The following MAGI2 variants were observed in gnomAD, a reference collection of about 807,000 sequenced individuals.
MAGI2 encodes the protein membrane-associated guanylate kinase, WW and PDZ domain-containing protein 2.
A neutral mutation model predicts 133.3 loss-of-function variants in MAGI2; 35 were observed. The ratio of observed to expected loss-of-function variants is 0.26; its 90% CI spans 0.20 to 0.35. The LOEUF (loss-of-function observed/expected upper bound fraction) is 0.35, where lower values mean the gene tolerates loss of function less well. Ranked by LOEUF, MAGI2 falls within the 10% of genes least tolerant of loss-of-function variation. The probability of loss-of-function intolerance (pLI) is 1.00; values close to 1 mark genes in which losing one functional copy is unlikely to be tolerated. For missense variants in MAGI2, 1,636 were observed against 1,863.4 expected (o/e 0.88, Z 2.25); for synonymous variants, 729 against 710.6 (o/e 1.03, Z -0.41).
chr7:79,279,981 C>G (rs980008144), intron 1 of MAGI2, among the ~76,000 whole-genome samples: 1 of 152,080 alleles, frequency 6.6e-6, no homozygotes, highest in Non-Finnish European at 1.5e-5. Flanking sequence ...TATCTGTAGT[C>G]TGGAATATAA....
chr7:79,035,508 A>G (rs1260850501), intron 1 of MAGI2, among the ~76,000 whole-genome samples: 3 of 152,186 alleles, frequency 2.0e-5, no homozygotes, highest in Admixed American at 6.6e-5. Flanking sequence ...AAAAACCCTC[A>G]TAAGTCACCT....
At chr7:78,859,323 T>A (rs776114596) in intron 2 of MAGI2, among the ~76,000 whole-genome samples, 4 of 152,176 alleles carry the variant, frequency 2.6e-5, no homozygotes, top group Non-Finnish European at 5.9e-5. Context: ...TGATGCAGTT[T>A]CTTCCTAGCA....
intron 6 of MAGI2, among the ~76,000 whole-genome samples, chr7:78,411,655 G>T (rs1416235234): frequency 6.6e-6 from 1 of 151,946 alleles, no homozygotes; most frequent in East Asian, 1.9e-4. Flanking sequence ...GGTTTGTGTG[G>T]AACAACCAAT....
At chr7:79,315,806 T>A (rs1380562434) in intron 1 of MAGI2, among the ~76,000 whole-genome samples, 1 of 152,032 alleles carries the variant, frequency 6.6e-6, no homozygotes, top group Non-Finnish European at 1.5e-5. Context: ...GGTGGAGACC[T>A]GAGATGAGGA....
intron 20 of MAGI2, among the ~76,000 whole-genome samples, chr7:78,113,255 A>C (rs992149979): frequency 2.0e-5 from 3 of 152,278 alleles, no homozygotes; most frequent in Admixed American, 2.0e-4. Context: ...GAAGGGTTTT[A>C]AACAGTAAGC....
intron 18 of MAGI2, among the ~76,000 whole-genome samples, chr7:78,128,104 G>T (rs183002615): frequency 4.5e-4 from 69 of 152,104 alleles, no homozygotes; most frequent in Admixed American, 9.2e-4. Context: ...TACTACTGTG[G>T]TCATAAGATG....
chr7:78,747,513 C>T (rs544751084), intron 2 of MAGI2, among the ~76,000 whole-genome samples: 10 of 151,634 alleles, frequency 6.6e-5, no homozygotes, highest in Admixed American at 2.6e-4. Flanking sequence ...CAAGCATAGT[C>T]GACTAAACCA....
chr7:78,361,751 T>C lies in MAGI2; in HGVS notation c.1103+7405A>G, dbSNP rs980320026. Among the ~76,000 whole-genome samples, 30 of 152,210 alleles carry C rather than the reference T, an allele frequency of 2.0e-4. 1 individual carries two copies. The highest frequency in any genetic ancestry group is 7.8e-4 in the Admixed American group (12 of 15,288). Reference sequence around the variant, plus strand: ...GTTGTTGATAAGATGTAAGAGTCGCTAATAAAAGTGTATTTAATTACAGAG... The same window carrying C: ...GTTGTTGATAAGATGTAAGAGTCGCCAATAAAAGTGTATTTAATTACAGAG... On this transcript the variant is annotated intron_variant, in intron 7 of 21. Transcript: ENST00000354212.
intron 2 of MAGI2, among the ~76,000 whole-genome samples, chr7:78,737,258 T>C (rs1221843238): frequency 1.3e-5 from 2 of 152,194 alleles, no homozygotes; most frequent in African/African-American, 4.8e-5. Flanking sequence ...GTAACTGTTA[T>C]AAATGTGTCA....
chr7:78,139,255 T>C (rs1230062313), intron 16 of MAGI2, among the ~76,000 whole-genome samples: 1 of 152,194 alleles, frequency 6.6e-6, no homozygotes, highest in Non-Finnish European at 1.5e-5. Flanking sequence ...CTATTGGCAT[T>C]TACTTTAATA....
intron 21 of MAGI2, among the ~76,000 whole-genome samples, chr7:78,058,565 G>A (rs1812899878): frequency 1.3e-5 from 2 of 151,062 alleles, no homozygotes; most frequent in East Asian, 2.0e-4. Flanking sequence ...TCCGCCTCCC[G>A]GGTTCAAGCG....
intron 1 of MAGI2, among the ~76,000 whole-genome samples, chr7:79,266,223 T>A (rs1303273624): frequency 6.7e-6 from 1 of 149,364 alleles, no homozygotes. Context: ...AAACATCATA[T>A]CCCTCCCTGC....
chr7:78,740,148 C>A (rs1234444979), intron 2 of MAGI2, among the ~76,000 whole-genome samples: 1 of 149,860 alleles, frequency 6.7e-6, no homozygotes, highest in Non-Finnish European at 1.5e-5. Flanking sequence ...GTGACAGAGC[C>A]AGACTCTGTC....
At chr7:79,198,552 T>G (rs968471912) in intron 1 of MAGI2, among the ~76,000 whole-genome samples, 1 of 151,876 alleles carries the variant, frequency 6.6e-6, no homozygotes, top group Non-Finnish European at 1.5e-5. Context: ...AATTGAAAAA[T>G]TTTAGTCATA....
chr7:79,140,663 C>T (rs970832470), intron 1 of MAGI2, among the ~76,000 whole-genome samples: 4 of 152,098 alleles, frequency 2.6e-5, no homozygotes, highest in Admixed American at 2.6e-4. Context: ...ATCTAAACAT[C>T]AGATTATGAA....
intron 2 of MAGI2, among the ~76,000 whole-genome samples, chr7:78,745,970 G>A (rs1395556498): frequency 1.3e-5 from 2 of 152,112 alleles, no homozygotes; most frequent in Non-Finnish European, 1.5e-5. Context: ...ATTCCGTATA[G>A]CTCCTAAGTT....
chr7:79,041,155 C>T (rs1267960311), intron 1 of MAGI2, among the ~76,000 whole-genome samples: 1 of 152,174 alleles, frequency 6.6e-6, no homozygotes, highest in Admixed American at 6.5e-5. Flanking sequence ...GTTCCTCCTC[C>T]ATGATCCACT....
chr7:79,059,388 A>G (rs1242926115), intron 1 of MAGI2, among the ~76,000 whole-genome samples: 1 of 152,072 alleles, frequency 6.6e-6, no homozygotes, highest in Non-Finnish European at 1.5e-5. Flanking sequence ...TGGACTCAGA[A>G]TGAGAAAGCA....
At chr7:79,223,606 T>G (rs1830623448) in intron 1 of MAGI2, among the ~76,000 whole-genome samples, 2 of 151,966 alleles carry the variant, frequency 1.3e-5, no homozygotes, top group Admixed American at 1.3e-4. Context: ...AGTGAGAGAA[T>G]CGCCTGAGCC....
Sources: gnomAD v4.1 joint callset for allele counts (sites outside exome capture counted in the v4.1 genomes callset) on GRCh38, gnomAD v4.1.1 for gene constraint, MANE v1.5 for transcripts, NCBI Gene and HGNC (gene_info 2026-07-23, HGNC 2026-07-21) for gene names.